Variants in PTPRD observed in about 807,000 individuals in gnomAD.
PTPRD encodes the protein protein tyrosine phosphatase receptor type D, also known as receptor-type tyrosine-protein phosphatase delta.
Under a neutral mutation model 214.5 loss-of-function variants are expected in PTPRD, and 34 were observed. The ratio of observed to expected loss-of-function variants is 0.16; its 90% CI spans 0.12 to 0.21. The LOEUF is 0.21. PTPRD is among the 10% of genes least tolerant of loss of function. The probability of loss-of-function intolerance (pLI) is 1.00; values close to 1 mark genes in which losing one functional copy is unlikely to be tolerated. For missense variants in PTPRD, 2,545 were observed against 2,398.7 expected (o/e 1.06, Z -1.27); for synonymous variants, 1,128 against 845.7 (o/e 1.33, Z -5.79).
intron 2 of PTPRD, among the ~76,000 whole-genome samples, chr9:10,417,038 A>T (rs2098497937): frequency 6.6e-6 from 1 of 151,888 alleles, no homozygotes; most frequent in South Asian, 2.1e-4. Flanking sequence ...GTGTTGATGA[A>T]GACAGTGGAA....
intron 26 of PTPRD, among the ~76,000 whole-genome samples, chr9:8,495,728 T>C (rs771558332): frequency 1.3e-5 from 2 of 152,220 alleles, no homozygotes; most frequent in African/African-American, 4.8e-5. Context: ...TATTTCTTAC[T>C]GTGAGTTATA....
chr9:8,849,590 TGAGA>T (rs2154541537), intron 11 of PTPRD, among the ~76,000 whole-genome samples: 1 of 152,008 alleles, frequency 6.6e-6, no homozygotes, highest in African/African-American at 2.4e-5. Flanking sequence ...CATTAGAAAA[TGAGA>T]GAATAATAGG....
At chr9:10,188,022 T>C (rs1287324812) in intron 3 of PTPRD, among the ~76,000 whole-genome samples, 1 of 152,224 alleles carries the variant, frequency 6.6e-6, no homozygotes, top group Non-Finnish European at 1.5e-5. Flanking sequence ...GTCCAATGCA[T>C]CTTTCTGGCA....
At chr9:9,086,084 C>T (rs759731744) in intron 10 of PTPRD, among the ~76,000 whole-genome samples, 4 of 152,186 alleles carry the variant, frequency 2.6e-5, no homozygotes, top group Non-Finnish European at 5.9e-5. Context: ...GATTAACTAA[C>T]TCACATAACT....
At chr9:8,804,004 G>A (rs1309397135) in intron 11 of PTPRD, among the ~76,000 whole-genome samples, 3 of 152,122 alleles carry the variant, frequency 2.0e-5, no homozygotes, top group East Asian at 3.9e-4. Context: ...CCAGGCTGGA[G>A]TGTAGTGGTG....
chr9:8,379,067 T>C (rs1032689476), intron 37 of PTPRD, among the ~76,000 whole-genome samples: 3 of 152,044 alleles, frequency 2.0e-5, no homozygotes, highest in Admixed American at 1.3e-4. Flanking sequence ...AAGAAAAAAG[T>C]TGCTTTTGAA....
intron 5 of PTPRD, among the ~76,000 whole-genome samples, chr9:9,823,873 T>C (rs1463935320): frequency 3.9e-5 from 6 of 152,034 alleles, no homozygotes. Context: ...AAATCTGAAA[T>C]GTTCCCAACA....
chr9:8,404,515 A>C, intron 36 of PTPRD, 22 bp downstream of exon 36: 1 of 1,601,076 alleles, frequency 6.2e-7, no homozygotes, highest in East Asian at 2.2e-5. Flanking sequence ...TAAAGGTATC[A>C]GTGATGTCTG....
chr9:9,751,311 A>G (rs1295667157), intron 6 of PTPRD, among the ~76,000 whole-genome samples: 1 of 152,128 alleles, frequency 6.6e-6, no homozygotes, highest in East Asian at 1.9e-4. Context: ...TGGAGACACT[A>G]AGAATTAACT....
chr9:9,219,280 T>A (rs148653393), intron 9 of PTPRD, among the ~76,000 whole-genome samples: 1 of 152,142 alleles, frequency 6.6e-6, no homozygotes, highest in Non-Finnish European at 1.5e-5. Flanking sequence ...CAGCTTGACA[T>A]AGTACAATTG....
chr9:8,974,248 T>C (rs1307515688), intron 11 of PTPRD, among the ~76,000 whole-genome samples: 1 of 152,072 alleles, frequency 6.6e-6, no homozygotes, highest in Non-Finnish European at 1.5e-5. Flanking sequence ...AAAGATCTAA[T>C]TTCATTCTTC....
At chr9:9,608,656 T>A (rs146651633) in intron 7 of PTPRD, among the ~76,000 whole-genome samples, 1,666 of 152,260 alleles carry the variant, frequency 0.011, 14 homozygotes, top group Non-Finnish European at 0.019. Flanking sequence ...TGGCATAGAA[T>A]CCTTACAATT....
chr9:9,221,369 G>A (rs1375231850), intron 9 of PTPRD, among the ~76,000 whole-genome samples: 79 of 152,138 alleles, frequency 5.2e-4, no homozygotes, highest in Non-Finnish European at 2.9e-5. Flanking sequence ...AATATGAGAG[G>A]AAAGAAAGCA....
At chr9:8,576,153 C>A (rs780385691) in intron 14 of PTPRD, among the ~76,000 whole-genome samples, 2 of 151,816 alleles carry the variant, frequency 1.3e-5, no homozygotes, top group Middle Eastern at 3.2e-3. Flanking sequence ...GCTTTTTTTT[C>A]CTTTTAAATA....
At chr9:10,234,229 TA>T (rs1157258028) in intron 3 of PTPRD, among the ~76,000 whole-genome samples, 4 of 151,566 alleles carry the variant, frequency 2.6e-5, no homozygotes, top group Non-Finnish European at 5.9e-5. Context: ...AAATAATTAA[TA>T]AAAAATAAAT....
At chr9:9,944,011 A>T (rs887361044) in intron 4 of PTPRD, among the ~76,000 whole-genome samples, 4 of 152,144 alleles carry the variant, frequency 2.6e-5, no homozygotes, top group African/African-American at 9.7e-5. Context: ...CAGAGTATCT[A>T]AAAGTTGGAA....
At chr9:8,749,043 C>T (rs1053856522) in intron 11 of PTPRD, among the ~76,000 whole-genome samples, 29 of 152,010 alleles carry the variant, frequency 1.9e-4, no homozygotes, top group African/African-American at 6.7e-4. Flanking sequence ...TACTATGCTA[C>T]TAATGAACTA....
In PTPRD at chr9:9,397,616, T is replaced by A. The variant is rs16929283; in HGVS notation, c.-236-134A>T. ...TTAAGTAAGCAATGAAGATACGTTA[T>A]CTGACCTCAATTATTTATTTCAGAT... is the stretch of plus-strand genomic sequence containing the variant. On this transcript the variant is annotated intron_variant, in intron 8 of 45. Transcript: ENST00000381196. 6.8e-4 allele frequency: 104 copies of A among 152,326 alleles called. 1 individual carries two copies. The East Asian group carries it at 0.017, about 25-fold the overall frequency. The allele number at this position is 152,326 out of a possible 1,614,324, so 9.4% of individuals were successfully genotyped here.
At chr9:9,468,109 C>T (rs2094342434) in intron 8 of PTPRD, among the ~76,000 whole-genome samples, 1 of 152,072 alleles carries the variant, frequency 6.6e-6, no homozygotes, top group Non-Finnish European at 1.5e-5. Flanking sequence ...CCTACTAGAC[C>T]TACTGTTAGT....
Sources: allele counts gnomAD v4.1 joint callset (sites outside exome capture counted in the v4.1 genomes callset), GRCh38; gene constraint gnomAD v4.1.1; transcripts MANE v1.5; gene names NCBI Gene and HGNC (gene_info 2026-07-23, HGNC 2026-07-21).